DNAJC21: variants seen among roughly 807,000 people sequenced by gnomAD.
DNAJC21 encodes dnaJ homolog subfamily C member 21.
Under a neutral mutation model 72.4 loss-of-function variants are expected in DNAJC21, and 63 were observed. The observed-to-expected ratio is 0.87, with a 90% CI of 0.71 to 1.07. The LOEUF (loss-of-function observed/expected upper bound fraction) is 1.07, where lower values mean the gene tolerates loss of function less well. Among genes scored for constraint, DNAJC21 ranks in the 50% least tolerant of loss-of-function variants. DNAJC21 has a pLI of 0.00. For missense variants in DNAJC21, 634 were observed against 644.8 expected (o/e 0.98, Z 0.18); for synonymous variants, 203 against 216.7 (o/e 0.94, Z 0.56).
chr5:34,937,476 A>G lies in DNAJC21; in HGVS notation c.589A>G (p.Lys197Glu), dbSNP rs776404640. 3 of 1,614,232 alleles carry G rather than the reference A, an allele frequency of 1.9e-6. No homozygotes were observed. The highest frequency in any genetic ancestry group is 1.3e-5 in the African/African-American group (1 of 75,076). ...CAAAAAGATTCGGGACAAAGCAAGGAAAGAGAAGAATGAGCTTGTCCGTCA... is the reference window on the plus strand; with the variant it reads ...CAAAAAGATTCGGGACAAAGCAAGGGAAGAGAAGAATGAGCTTGTCCGTCA... ...ENKKIRDKAR[K>E]EKNELVRQLV... Residue 197 changes from lysine (K) to glutamate (E), a missense_variant, in exon 5 of 12, where the codon AAA becomes GAA. Coordinates refer to ENST00000648817, the MANE Select transcript of DNAJC21 (RefSeq NM_001012339.3).
In DNAJC21 at chr5:34,958,234, G is replaced by C. The variant is rs1765591279; in HGVS notation, c.*3520G>C. The C allele has an allele frequency of 6.6e-6, 1 of 152,186 alleles. No homozygotes were observed. Among genetic ancestry groups the C allele is most frequent in the Non-Finnish European group, 1.5e-5 (1 of 68,028 alleles). 9.4% of individuals were successfully genotyped at this position (152,186 alleles called of 1,614,324 possible). A position where few individuals can be genotyped will look rare whatever the true frequency, so the allele number is the denominator to read the frequency against. On this transcript the variant is annotated 3_prime_UTR_variant, in exon 12 of 12. Transcript: ENST00000648817. ...ATGAACTTGTCCTAACAATGTCAAAGAATATTTTAAAGGTATACCAGTTAA... is the reference window on the plus strand; with the variant it reads ...ATGAACTTGTCCTAACAATGTCAAACAATATTTTAAAGGTATACCAGTTAA...
chr5:34,944,114 T>A (rs911680878), intron 7 of DNAJC21, among the ~76,000 whole-genome samples: 1 of 152,232 alleles, frequency 6.6e-6, no homozygotes, highest in Non-Finnish European at 1.5e-5. Context: ...TTGATATAAC[T>A]CTTGTAGCTT....
intron 3 of DNAJC21, 103 bp from the exon 4 acceptor site, chr5:34,936,041 C>A: frequency 6.6e-7 from 1 of 1,509,002 alleles, no homozygotes. Context: ...AACTTTGTCC[C>A]AAAATTCTTC....
chr5:34,949,848 A>G (rs765878537), intron 9 of DNAJC21, among the ~76,000 whole-genome samples: 1 of 152,204 alleles, frequency 6.6e-6, no homozygotes, highest in Non-Finnish European at 1.5e-5. Context: ...TTAAATTGTG[A>G]TTACACTATG....
intron 9 of DNAJC21, among the ~76,000 whole-genome samples, chr5:34,947,246 C>T (rs1374546961): frequency 6.6e-6 from 1 of 152,078 alleles, no homozygotes; most frequent in African/African-American, 2.4e-5. Flanking sequence ...AAATTTAATT[C>T]AAGTAACTCA....
intron 3 of DNAJC21, 70 bp from the exon 4 acceptor site, chr5:34,936,074 T>C: frequency 6.4e-7 from 1 of 1,550,474 alleles, no homozygotes; most frequent in Non-Finnish European, 8.7e-7. Flanking sequence ...TTTCATTTTG[T>C]ATTTTAAAAT....
rs1765501202 is a variant in DNAJC21, at chr5:34,955,246, T to G, written c.*532T>G. On this transcript the variant is annotated 3_prime_UTR_variant, in exon 12 of 12. Transcript: ENST00000648817. ...TTTTTTTCTCAAGAACAGTGATAGG[T>G]AGAAACTAATTGAACATTTGGTAGT... The G allele has an allele frequency of 6.6e-6, 1 of 152,266 alleles. No homozygotes were observed. Among genetic ancestry groups the G allele is most frequent in the Non-Finnish European group, 1.5e-5 (1 of 68,050 alleles). The allele number at this position is 152,266 out of a possible 1,614,324, so 9.4% of individuals were successfully genotyped here. A position where few individuals can be genotyped will look rare whatever the true frequency, so the allele number is the denominator to read the frequency against.
At chr5:34,949,672 A>G (rs1027694684) in intron 9 of DNAJC21, 1 of 1,613,960 alleles carries the variant, frequency 6.2e-7, no homozygotes, top group African/African-American at 1.3e-5. Flanking sequence ...GCTTGAAAAC[A>G]GACAGGTACG....
intron 5 of DNAJC21, among the ~76,000 whole-genome samples, chr5:34,938,231 C>T (rs573148939): frequency 3.9e-4 from 59 of 152,202 alleles, no homozygotes; most frequent in Non-Finnish European, 6.9e-4. Context: ...TGCAAGGCCA[C>T]GTTCTAAGTG....
intron 10 of DNAJC21, 138 bp downstream of exon 10, chr5:34,950,480 T>TAC (rs938289694): frequency 7.1e-7 from 1 of 1,413,592 alleles, no homozygotes; most frequent in East Asian, 2.6e-5. Flanking sequence ...TATGTATAGA[T>TAC]ACACACACAC....
chr5:34,945,555 A>G (rs1765147251), intron 8 of DNAJC21, among the ~76,000 whole-genome samples: 1 of 152,232 alleles, frequency 6.6e-6, no homozygotes, highest in South Asian at 2.1e-4. Flanking sequence ...TAAGCTAATT[A>G]CTATCCATTG....
chr5:34,931,008 C>A (rs984279756), intron 1 of DNAJC21, among the ~76,000 whole-genome samples: 1 of 152,124 alleles, frequency 6.6e-6, no homozygotes, highest in South Asian at 2.1e-4. Context: ...TAGAGGAATG[C>A]AATTTGGAAA....
chr5:34,937,420 G>A lies in DNAJC21; in HGVS notation c.533G>A (p.Arg178His), dbSNP rs756392922. ...EEYDTRQASN[R>H]WEKRAMEKEN... ...TATGATACACGACAGGCTTCAAACC[G>A]CTGGGAAAAACGAGCCATGGAAAAA... Residue 178 changes from arginine to histidine, a missense_variant, in exon 5 of 12, where the codon CGC (arginine) becomes CAC (histidine). Coordinates refer to ENST00000648817, the MANE Select transcript of DNAJC21 (RefSeq NM_001012339.3). 1.1e-5 allele frequency: 17 copies of A among 1,614,000 alleles called. No homozygotes were observed. In the East Asian group the frequency reaches 1.1e-4, roughly 11 times the overall value.
intron 9 of DNAJC21, among the ~76,000 whole-genome samples, chr5:34,947,240 T>G (rs2112081683): frequency 6.6e-6 from 1 of 152,206 alleles, no homozygotes; most frequent in Non-Finnish European, 1.5e-5. Flanking sequence ...GAAAGAAAAT[T>G]TAATTCAAGT....
chr5:34,944,781 T>G, intron 7 of DNAJC21, 86 bp from the exon 8 acceptor site: 8 of 1,555,022 alleles, frequency 5.1e-6, no homozygotes, highest in South Asian at 4.9e-5. Flanking sequence ...AAAGCTAATT[T>G]TATCTTGGTT....
In DNAJC21 at chr5:34,949,548, A is replaced by C. The variant is rs777005973; in HGVS notation, c.1186-622A>C. ...GAGAATGTTTTGATTCTTAGGATGT[A>C]CCTGGCAAAGATTCATATCTGCCTG... is the stretch of plus-strand genomic sequence containing the variant. On this transcript the variant is annotated intron_variant, in intron 9 of 11. Transcript: ENST00000648817. 36 of 1,555,086 alleles carry C rather than the reference A, an allele frequency of 2.3e-5. No individual in the cohort carries two copies. In the African/African-American group the frequency reaches 3.7e-4, roughly 16 times the overall value.
At chr5:34,950,033 A>G in intron 9 of DNAJC21, 137 bp from the exon 10 acceptor site, 2 of 976,072 alleles carry the variant, frequency 2.0e-6, no homozygotes, top group East Asian at 5.4e-5. Flanking sequence ...TATCACTGTA[A>G]TGAGCATCCA....
chr5:34,954,132 GT>G, intron 11 of DNAJC21, 131 bp downstream of exon 11: 1 of 747,754 alleles, frequency 1.3e-6, no homozygotes, highest in Non-Finnish European at 2.0e-6. Flanking sequence ...TCCATCAACA[GT>G]TTTGTTTGAT....
intron 9 of DNAJC21, among the ~76,000 whole-genome samples, chr5:34,947,656 G>T (rs12518581): frequency 0.012 from 1,062 of 87,244 alleles, 73 homozygotes; most frequent in South Asian, 0.026. Context: ...TTTTCACCAT[G>T]TTTTTTTTTT....
Sources: allele counts gnomAD v4.1 joint callset (sites outside exome capture counted in the v4.1 genomes callset), GRCh38; gene constraint gnomAD v4.1.1; transcripts MANE v1.5; gene names NCBI Gene and HGNC (gene_info 2026-07-23, HGNC 2026-07-21).